The following AFDN variants were observed in gnomAD, a reference collection of about 807,000 sequenced individuals.
The protein encoded by AFDN is afadin, adherens junction formation factor.
Under a neutral mutation model 216.6 loss-of-function variants are expected in AFDN, and 68 were observed. That is an observed-to-expected ratio of 0.31 (90% CI 0.26 to 0.38). The LOEUF (loss-of-function observed/expected upper bound fraction) is 0.38. Among genes scored for constraint, AFDN ranks in the 10% least tolerant of loss-of-function variants. The probability of loss-of-function intolerance (pLI) is 1.00; values close to 1 mark genes in which losing one functional copy is unlikely to be tolerated. For missense variants in AFDN, 2,136 were observed against 2,342.0 expected, an observed-to-expected ratio of 0.91 and a Z score of 1.82; for synonymous variants, 868 against 853.7, an observed-to-expected ratio of 1.02 and a Z score of -0.29.
At chr6:167,829,108 C>A (rs1779542064) in intron 1 of AFDN, among the ~76,000 whole-genome samples, 1 of 152,050 alleles carries the variant, frequency 6.6e-6, no homozygotes, top group Non-Finnish European at 1.5e-5. Flanking sequence ...TATTTCATTT[C>A]CTAATTTTTC....
intron 1 of AFDN, among the ~76,000 whole-genome samples, chr6:167,849,152 T>C (rs933414487): frequency 1.3e-5 from 1 of 76,194 alleles, no homozygotes; most frequent in Non-Finnish European, 3.3e-5. Context: ...TTGTGAAAAT[T>C]GGAGTAGATA....
chr6:167,907,083 T>G, intron 12 of AFDN, 88 bp from the exon 13 acceptor site: 2 of 934,122 alleles, frequency 2.1e-6, no homozygotes, highest in Non-Finnish European at 3.4e-6. Flanking sequence ...TTGGCAGCCC[T>G]GTATCAGATC....
rs530992991 is a variant in AFDN at position 167,891,934 on chromosome 6, T to C, written c.1177+905T>C. Among the ~76,000 whole-genome samples, 8 of 152,332 alleles carry C rather than the reference T, an allele frequency of 5.3e-5. No individual in the cohort carries two copies. In the East Asian group the frequency reaches 9.6e-4, roughly 18 times the overall value. On this transcript the variant is annotated intron_variant, in intron 8 of 33. Transcript: ENST00000683244. The stretch of plus-strand genomic sequence containing the variant: ...AATTGAACCAGTTATGTGTATGATA[T>C]ATGGCTCCATGAATGTGAATTACAT...
intron 10 of AFDN, 96 bp from the exon 11 acceptor site, chr6:167,898,108 TA>T: frequency 7.6e-7 from 1 of 1,307,946 alleles, no homozygotes; most frequent in Admixed American, 2.2e-5. Flanking sequence ...TATTAGGTTA[TA>T]TTTGTCATAA....
intron 27 of AFDN, 26 bp from the exon 28 acceptor site, chr6:167,947,827 T>A (rs755857944): frequency 6.6e-6 from 10 of 1,509,762 alleles, no homozygotes; most frequent in Non-Finnish European, 9.1e-6. Context: ...TATTACACTT[T>A]TTTTTTTCCC....
At chr6:167,874,289 T>C (rs1785102281) in intron 4 of AFDN, among the ~76,000 whole-genome samples, 1 of 152,196 alleles carries the variant, frequency 6.6e-6, no homozygotes, top group African/African-American at 2.4e-5. Flanking sequence ...ATTTATCATC[T>C]TGTTTATGGG....
At position 167,844,849 on chromosome 6, in the gene AFDN, C is replaced by CTTTTTTTT. The variant is rs67495555; in HGVS notation, c.105+17626_105+17633dup. On this transcript the variant is annotated intron_variant, in intron 1 of 33. Coordinates refer to ENST00000683244, the MANE Select transcript of AFDN (RefSeq NM_001386888.1). Reference sequence around the variant, plus strand: ...TTGAGAATGAGCATCCTTTTCTTTTCTTTTTTTTTTTTTTTTTTTTTGGTT... The same window carrying CTTTTTTTT: ...TTGAGAATGAGCATCCTTTTCTTTTCTTTTTTTTTTTTTTTTTTTTTTTTTTTTTGGTT... Among the ~76,000 whole-genome samples the CTTTTTTTT allele has an allele frequency of 2.7e-3, 347 of 127,622 alleles. 1 individual carries two copies. The highest frequency in any genetic ancestry group is 6.9e-3 in the East Asian group (29 of 4,208). The allele number at this position is 127,622 out of a possible 152,430, so 83.7% of individuals were successfully genotyped here.
intron 1 of AFDN, among the ~76,000 whole-genome samples, chr6:167,862,017 A>G (rs920081281): frequency 1.3e-5 from 2 of 152,240 alleles, no homozygotes; most frequent in African/African-American, 4.8e-5. Context: ...TAGGTTTAGT[A>G]TAAAGATGGT....
intron 22 of AFDN, among the ~76,000 whole-genome samples, chr6:167,924,371 C>T (rs1418655536): frequency 6.6e-6 from 1 of 152,164 alleles, no homozygotes; most frequent in Admixed American, 6.5e-5. Context: ...CTTTCTCATT[C>T]TTTGAGTCTG....
At chr6:167,877,718 T>G (rs1233294444) in intron 5 of AFDN, among the ~76,000 whole-genome samples, 1 of 152,210 alleles carries the variant, frequency 6.6e-6, no homozygotes, top group African/African-American at 2.4e-5. Flanking sequence ...AGCTATCAGC[T>G]TAGCTATCAG....
chr6:167,861,752 T>C (rs1783599377), intron 1 of AFDN, among the ~76,000 whole-genome samples: 1 of 152,224 alleles, frequency 6.6e-6, no homozygotes, highest in South Asian at 2.1e-4. Context: ...TGTTTTTCTT[T>C]TGGTTCTTTA....
Position 167,898,340 on chromosome 6 carries a change from A to G in AFDN, c.1453A>G (p.Ser485Gly). Residue 485 changes from serine (S) to glycine (G), a missense_variant, in exon 11 of 34, where the codon AGT becomes GGT. Ser to Gly is a moderately conservative substitution (Grantham distance 56). This residue lies in a region of AFDN where 817 missense variants were observed against 965.7 expected (regional missense o/e 0.85). Transcript: ENST00000683244. ...QRISETTMLQ[S>G]GMKVQFGASH... Reference sequence around the variant, plus strand: ...CATCTCAGAAACCACCATGCTGCAGAGTGGCATGAAAGTGCAGTTTGGGGC... The same window carrying G: ...CATCTCAGAAACCACCATGCTGCAGGGTGGCATGAAAGTGCAGTTTGGGGC... 1 of 1,614,156 alleles carries G rather than the reference A, an allele frequency of 6.2e-7. No individual in the cohort carries two copies. The highest frequency in any genetic ancestry group is 1.3e-5 in the African/African-American group (1 of 75,042).
At chr6:167,933,361 G>A (rs527292461) in intron 23 of AFDN, among the ~76,000 whole-genome samples, 179 of 152,242 alleles carry the variant, frequency 1.2e-3, no homozygotes, top group African/African-American at 4.2e-3. Flanking sequence ...AAATGAGATG[G>A]TAAAGACTGT....
chr6:167,937,391 G>A (rs935644322), intron 23 of AFDN, among the ~76,000 whole-genome samples: 2 of 152,092 alleles, frequency 1.3e-5, no homozygotes, highest in South Asian at 4.1e-4. Flanking sequence ...TTTGAATTGA[G>A]GTCTCTAATA....
At chr6:167,832,025 G>T (rs1583071741) in intron 1 of AFDN, among the ~76,000 whole-genome samples, 1 of 152,168 alleles carries the variant, frequency 6.6e-6, no homozygotes, top group East Asian at 1.9e-4. Context: ...TTATTTTCAG[G>T]TTAGATTGAG....
In AFDN at chr6:167,962,850, G is replaced by C. The variant is rs1016858890; in HGVS notation, c.4968+283G>C. On this transcript the variant is annotated intron_variant, in intron 31 of 33. Transcript: ENST00000683244. This position sits in a 1 kb window ranked among gnomAD's most constrained non-coding sequence, Gnocchi z 5.2. ...CAGTGAGCCTCTTTGCAAAGGGTTC[G>C]TTTCCTCGGGCACTCATCTTTACTG... 8.0e-7 allele frequency: 1 copy of C among 1,246,360 alleles called. No homozygotes were observed. The highest frequency in any genetic ancestry group is 2.6e-5 in the South Asian group (1 of 38,700). 77.2% of individuals were successfully genotyped at this position (1,246,360 alleles called of 1,614,324 possible).
chr6:167,883,819 T>G (rs1786448101), intron 6 of AFDN, among the ~76,000 whole-genome samples: 1 of 152,162 alleles, frequency 6.6e-6, no homozygotes, highest in East Asian at 1.9e-4. Flanking sequence ...GTGAGTTAGG[T>G]TGGCTGTGGC....
At chr6:167,908,110 T>C (rs79660605) in intron 13 of AFDN, among the ~76,000 whole-genome samples, 266 of 152,334 alleles carry the variant, frequency 1.7e-3, no homozygotes, top group African/African-American at 6.1e-3. Flanking sequence ...CATTCCCCCT[T>C]TGGGGCTTTT....
intron 27 of AFDN, among the ~76,000 whole-genome samples, chr6:167,947,475 A>G (rs77883237): frequency 0.11 from 17,037 of 152,184 alleles, 1,103 homozygotes; most frequent in South Asian, 0.22. Flanking sequence ...CACCATGCCC[A>G]GCCAATATTT....
Sources: gnomAD v4.1 joint callset for allele counts (sites outside exome capture counted in the v4.1 genomes callset) on GRCh38, gnomAD v4.1.1 for gene constraint, gnomAD v4.1.1 regional missense constraint, Gnocchi (gnomAD v3.1) non-coding constraint, MANE v1.5 for transcripts, NCBI Gene and HGNC (gene_info 2026-07-23, HGNC 2026-07-21) for gene names.